ABI1: variants seen among roughly 807,000 people sequenced by gnomAD.
ABI1 encodes Abelson interactor 1.
Under a neutral mutation model 54.6 loss-of-function variants are expected in ABI1, and 14 were observed. That is an observed-to-expected ratio of 0.26 (90% CI 0.17 to 0.40). The LOEUF is 0.40. Among genes scored for constraint, ABI1 ranks in the 10% least tolerant of loss-of-function variants. ABI1 has a pLI of 1.00. For missense variants in ABI1, 443 were observed against 598.3 expected (o/e 0.74, Z 2.71); for synonymous variants, 194 against 209.3 (o/e 0.93, Z 0.63).
intron 3 of ABI1, among the ~76,000 whole-genome samples, chr10:26,772,875 C>A (rs1486595090): frequency 6.6e-6 from 1 of 151,788 alleles, no homozygotes; most frequent in Non-Finnish European, 1.5e-5. Flanking sequence ...GAGTTTGAGA[C>A]CAGCCTGGGC....
intron 2 of ABI1, among the ~76,000 whole-genome samples, chr10:26,786,169 T>C (rs1588874046): frequency 1.3e-5 from 2 of 152,266 alleles, no homozygotes; most frequent in East Asian, 1.9e-4. Context: ...CATTGATTCA[T>C]TGATGTTACA....
chr10:26,842,133 T>C (rs946180500), intron 1 of ABI1, among the ~76,000 whole-genome samples: 1 of 152,168 alleles, frequency 6.6e-6, no homozygotes, highest in Non-Finnish European at 1.5e-5. Flanking sequence ...CCCTAAGGGG[T>C]GTGAGGTGAC....
intron 2 of ABI1, among the ~76,000 whole-genome samples, chr10:26,794,165 C>T (rs926037771): frequency 1.3e-5 from 2 of 152,102 alleles, no homozygotes; most frequent in Non-Finnish European, 2.9e-5. Context: ...ATCCCTTGAA[C>T]CCAGGATGCA....
rs184610310 is a variant in ABI1, at chr10:26,801,750, G to A, written c.285+21388C>T. On this transcript the variant is annotated intron_variant, in intron 2 of 10. Transcript: ENST00000376140. ...AAGAATTCTAATGGCCCTAAATTCT[G>A]CATCATACTCCTCCAAAGAGATGAT... is the stretch of plus-strand genomic sequence containing the variant. Among the ~76,000 whole-genome samples the A allele has an allele frequency of 7.0e-4, 107 of 152,232 alleles. 1 individual carries two copies. The highest frequency in any genetic ancestry group is 1.2e-4 in the Non-Finnish European group (8 of 68,008).
intron 2 of ABI1, among the ~76,000 whole-genome samples, chr10:26,798,238 T>C (rs1450779059): frequency 6.6e-6 from 1 of 151,210 alleles, no homozygotes; most frequent in Non-Finnish European, 1.5e-5. Flanking sequence ...GGTGGGAAGT[T>C]AGAACTGATA....
chr10:26,794,779 T>C (rs1017508754), intron 2 of ABI1, among the ~76,000 whole-genome samples: 3 of 152,144 alleles, frequency 2.0e-5, no homozygotes, highest in African/African-American at 4.8e-5. Flanking sequence ...GTTTACCTGA[T>C]GATATGAAAC....
chr10:26,790,624 G>A (rs1843308441), intron 2 of ABI1: 1 of 152,118 alleles, frequency 6.6e-6, no homozygotes, highest in Non-Finnish European at 1.5e-5. Context: ...CAATTTTAGT[G>A]TACGTGCTGC....
At chr10:26,857,898 G>GA (rs1337424512) in intron 1 of ABI1, among the ~76,000 whole-genome samples, 2 of 149,774 alleles carry the variant, frequency 1.3e-5, no homozygotes, top group African/African-American at 4.9e-5. Context: ...TAATGTAGTA[G>GA]AATCTTTTCA....
intron 2 of ABI1, among the ~76,000 whole-genome samples, chr10:26,808,721 T>C (rs1202411947): frequency 2.6e-5 from 4 of 151,788 alleles, no homozygotes; most frequent in Admixed American, 6.6e-5. Context: ...AGACCCCGTC[T>C]CAACAACAAC....
intron 1 of ABI1, among the ~76,000 whole-genome samples, chr10:26,825,394 C>T (rs2048246585): frequency 6.6e-6 from 1 of 152,134 alleles, no homozygotes; most frequent in South Asian, 2.1e-4. Context: ...GGTGCCATGG[C>T]TCACGCCTGT....
intron 3 of ABI1, among the ~76,000 whole-genome samples, chr10:26,771,725 C>T (rs1208847865): frequency 6.6e-6 from 1 of 152,158 alleles, no homozygotes; most frequent in Non-Finnish European, 1.5e-5. Flanking sequence ...TTCCTAGCTT[C>T]TGAACCCCAA....
At chr10:26,770,984 C>T (rs1258729908) in intron 4 of ABI1, 91 bp downstream of exon 4, 1 of 1,284,260 alleles carries the variant, frequency 7.8e-7, no homozygotes, top group Non-Finnish European at 1.1e-6. Context: ...AGCAGACAGA[C>T]ATAAGAAGAG....
rs1179102842 is a variant in ABI1, at chr10:26,854,251, AC to A, written c.117+6495del. ...AAACAGACCAGGACTAGTCAGAAGTACTACATATAAAGCTGTTATTAGTATT... is the reference window on the plus strand; with the variant it reads ...AAACAGACCAGGACTAGTCAGAAGTATACATATAAAGCTGTTATTAGTATT... On this transcript the variant is annotated intron_variant, in intron 1 of 10. Transcript: ENST00000376140. 3.9e-5 allele frequency among the ~76,000 whole-genome samples: 6 copies of A among 152,348 alleles called. No homozygotes were observed. The South Asian group carries it at 1.2e-3, about 32-fold the overall frequency.
chr10:26,828,352 T>A (rs1322981239), intron 1 of ABI1, among the ~76,000 whole-genome samples: 1 of 152,208 alleles, frequency 6.6e-6, no homozygotes, highest in Non-Finnish European at 1.5e-5. Context: ...TGAAATATTT[T>A]AAGAATTACC....
chr10:26,794,933 C>T (rs142311462), intron 2 of ABI1, among the ~76,000 whole-genome samples: 3,116 of 151,918 alleles, frequency 0.021, 75 homozygotes, highest in African/African-American at 0.065. Flanking sequence ...TGCTTGAGGC[C>T]AGGAGTTTGA....
intron 1 of ABI1, among the ~76,000 whole-genome samples, chr10:26,841,311 T>C (rs1002665554): frequency 6.6e-6 from 1 of 152,026 alleles, no homozygotes; most frequent in African/African-American, 2.4e-5. Context: ...ATTTAAAGCA[T>C]ACAACATGAT....
intron 2 of ABI1, among the ~76,000 whole-genome samples, chr10:26,784,634 C>T (rs1842515472): frequency 6.6e-6 from 1 of 152,156 alleles, no homozygotes. Context: ...GGGAGTATTT[C>T]TTGTTTGGAA....
intron 1 of ABI1, among the ~76,000 whole-genome samples, chr10:26,857,023 T>C (rs1231906020): frequency 1.3e-5 from 2 of 152,066 alleles, no homozygotes; most frequent in South Asian, 2.1e-4. Context: ...TAAATGACTA[T>C]ATAAAAACAC....
intron 2 of ABI1, among the ~76,000 whole-genome samples, chr10:26,792,579 G>A (rs1463949156): frequency 6.6e-6 from 1 of 152,116 alleles, no homozygotes; most frequent in Non-Finnish European, 1.5e-5. Context: ...TGGAAATTAG[G>A]AGACCAAATT....
Sources: gnomAD v4.1 joint callset for allele counts (sites outside exome capture counted in the v4.1 genomes callset) on GRCh38, gnomAD v4.1.1 for gene constraint, MANE v1.5 for transcripts, NCBI Gene and HGNC (gene_info 2026-07-23, HGNC 2026-07-21) for gene names.